Variants in CCDC192 observed in about 807,000 individuals in gnomAD.
CCDC192 encodes the protein coiled-coil domain containing 192, also known as coiled-coil domain-containing protein 192.
At chr5:127,799,730 C>T (rs894990621) in intron 5 of CCDC192, among the ~76,000 whole-genome samples, 2 of 152,226 alleles carry the variant, frequency 1.3e-5, no homozygotes, top group South Asian at 2.1e-4. Context: ...GATGCTATTC[C>T]TGTACCATGC....
intron 5 of CCDC192, among the ~76,000 whole-genome samples, chr5:127,843,619 G>A (rs1335001151): frequency 6.6e-6 from 1 of 151,890 alleles, no homozygotes; most frequent in East Asian, 1.9e-4. Context: ...TGTATTTTTA[G>A]TAAAGACGGG....
At chr5:127,915,442 C>T (rs921782034) in intron 6 of CCDC192, among the ~76,000 whole-genome samples, 6 of 152,294 alleles carry the variant, frequency 3.9e-5, no homozygotes, top group East Asian at 1.9e-4. Flanking sequence ...AATGCAGTGG[C>T]GCAATCTCTG....
At chr5:127,749,441 C>G (rs1344057703) in intron 2 of CCDC192, among the ~76,000 whole-genome samples, 1 of 151,940 alleles carries the variant, frequency 6.6e-6, no homozygotes, top group East Asian at 1.9e-4. Flanking sequence ...ATTGAACCAG[C>G]CTTGCATCCC....
chr5:127,833,115 T>G (rs935496483), intron 5 of CCDC192, among the ~76,000 whole-genome samples: 3 of 152,184 alleles, frequency 2.0e-5, no homozygotes, highest in Non-Finnish European at 4.4e-5. Context: ...GGAGCAAAAC[T>G]CAAGTGTTAA....
At chr5:127,732,890 A>T (rs1209473766) in intron 2 of CCDC192, among the ~76,000 whole-genome samples, 3 of 148,442 alleles carry the variant, frequency 2.0e-5, no homozygotes, top group African/African-American at 4.9e-5. Context: ...TAGCTAATGC[A>T]TGTGGGGCTT....
intron 2 of CCDC192, among the ~76,000 whole-genome samples, chr5:127,749,015 C>A (rs1328334350): frequency 1.3e-5 from 2 of 152,188 alleles, no homozygotes; most frequent in Non-Finnish European, 2.9e-5. Flanking sequence ...TGGGCTGAGA[C>A]AATGGGGTTC....
rs1424801291 is a variant in CCDC192 at position 127,875,630 on chromosome 5, G to A, written c.504G>A (p.Lys168=). 2.5e-6 allele frequency: 1 copy of A among 398,626 alleles called. No individual in the cohort carries two copies. Among genetic ancestry groups the A allele is most frequent in the Non-Finnish European group, 4.4e-6 (1 of 225,972 alleles). The allele number at this position is 398,626 out of a possible 1,614,324, so 24.7% of individuals were successfully genotyped here. A position where few individuals can be genotyped will look rare whatever the true frequency, so the allele number is the denominator to read the frequency against. Reference sequence around the variant, plus strand: ...TTCTGGAACTCAATGAGAAGATAAAGACTCTATATGAAGGAAAGCCAGCCC... The same window carrying A: ...TTCTGGAACTCAATGAGAAGATAAAAACTCTATATGAAGGAAAGCCAGCCC... The part of the protein sequence containing the change: ...ITVLELNEKI[K]TLYEGKPAPR... Residue 168 remains lysine (K), a synonymous_variant, in exon 6 of 7, where the codon AAG becomes AAA. Coordinates refer to ENST00000514853, the MANE Select transcript of CCDC192 (RefSeq NM_001317938.2).
At chr5:127,913,500 C>G (rs1302230256) in intron 6 of CCDC192, among the ~76,000 whole-genome samples, 1 of 152,182 alleles carries the variant, frequency 6.6e-6, no homozygotes, top group Non-Finnish European at 1.5e-5. Context: ...TCTACCTAGA[C>G]CGCTGCTTTT....
chr5:127,916,895 A>G (rs2764764), intron 6 of CCDC192, among the ~76,000 whole-genome samples: 4,134 of 152,288 alleles, frequency 0.027, 175 homozygotes, highest in African/African-American at 0.096. Context: ...TTAGCTCCTA[A>G]CAAGAGTCAT....
chr5:127,884,342 C>CAAAAAAAAAAAAAAAAAAAA (rs778430655), intron 6 of CCDC192, among the ~76,000 whole-genome samples: 4 of 11,850 alleles, frequency 3.4e-4, no homozygotes, highest in Non-Finnish European at 7.4e-4. Flanking sequence ...GACTCCGTCT[C>CAAAAAAAAAAAAAAAAAAAA]AAAAAAAAAA....
At chr5:127,848,068 G>C (rs1205014934) in intron 5 of CCDC192, among the ~76,000 whole-genome samples, 1 of 151,926 alleles carries the variant, frequency 6.6e-6, no homozygotes, top group Admixed American at 6.6e-5. Flanking sequence ...AAAGTGCTGG[G>C]ATTACAGTGA....
At chr5:127,744,097 A>C (rs1753598539) in intron 2 of CCDC192, among the ~76,000 whole-genome samples, 1 of 135,054 alleles carries the variant, frequency 7.4e-6, no homozygotes, top group South Asian at 2.3e-4. Flanking sequence ...CCGTCTCAAA[A>C]AAAAAAAAAA....
At chr5:127,725,495 G>A (rs892548490) in intron 2 of CCDC192, among the ~76,000 whole-genome samples, 1 of 152,118 alleles carries the variant, frequency 6.6e-6, no homozygotes, top group Non-Finnish European at 1.5e-5. Flanking sequence ...CATATTCAAA[G>A]TATTATTTCA....
intron 5 of CCDC192, among the ~76,000 whole-genome samples, chr5:127,858,358 T>G (rs556647669): frequency 6.6e-6 from 1 of 152,348 alleles, no homozygotes; most frequent in East Asian, 1.9e-4. Context: ...CAGTGTTTCC[T>G]CTGCCTTAAT....
chr5:127,721,808 A>G (rs945038936), intron 2 of CCDC192, among the ~76,000 whole-genome samples: 2 of 152,202 alleles, frequency 1.3e-5, no homozygotes, highest in African/African-American at 4.8e-5. Flanking sequence ...GCAAAGGAGA[A>G]GGAGGCATGT....
chr5:127,751,519 G>C (rs9763035), intron 2 of CCDC192, among the ~76,000 whole-genome samples: 2,315 of 151,978 alleles, frequency 0.015, 30 homozygotes, highest in African/African-American at 0.035. Flanking sequence ...TGAGGGTAAC[G>C]TGACCTTTCT....
chr5:127,717,516 T>C (rs184943586), intron 2 of CCDC192, among the ~76,000 whole-genome samples: 94 of 152,206 alleles, frequency 6.2e-4, no homozygotes, highest in African/African-American at 2.1e-3. Context: ...TTGCCTGATA[T>C]CAAGAAAGAT....
At chr5:127,797,843 G>T (rs564538164) in intron 4 of CCDC192, among the ~76,000 whole-genome samples, 21 of 147,234 alleles carry the variant, frequency 1.4e-4, no homozygotes, top group African/African-American at 4.3e-4. Context: ...TGCATTAACC[G>T]TAGCACATCA....
At chr5:127,867,981 A>G (rs990898267) in intron 5 of CCDC192, among the ~76,000 whole-genome samples, 2 of 151,428 alleles carry the variant, frequency 1.3e-5, no homozygotes, top group African/African-American at 4.8e-5. Flanking sequence ...CAGGTTTGCT[A>G]GTAGACATTG....
Sources: gnomAD v4.1 joint callset for allele counts (sites outside exome capture counted in the v4.1 genomes callset) on GRCh38, gnomAD v4.1.1 for gene constraint, MANE v1.5 for transcripts, NCBI Gene and HGNC (gene_info 2026-07-23, HGNC 2026-07-21) for gene names.